The following THSD4 variants were observed in gnomAD, a reference collection of about 807,000 sequenced individuals.
The protein encoded by THSD4 is thrombospondin type 1 domain containing 4.
In THSD4, 69 loss-of-function variants were observed where a neutral mutation model predicts 119.0. The ratio of observed to expected loss-of-function variants is 0.58; its 90% CI spans 0.48 to 0.71. The LOEUF is 0.71. Ranked by LOEUF, THSD4 falls within the 30% of genes least tolerant of loss-of-function variation. The probability of loss-of-function intolerance (pLI) is 0.00; values close to 1 mark genes in which losing one functional copy is unlikely to be tolerated. For missense variants in THSD4, 1,393 were observed against 1,391.1 expected (o/e 1.00, Z -0.02); for synonymous variants, 524 against 540.4 (o/e 0.97, Z 0.42).
chr15:71,743,932 G>A (rs532268283), intron 11 of THSD4, among the ~76,000 whole-genome samples: 7 of 152,348 alleles, frequency 4.6e-5, no homozygotes, highest in South Asian at 4.1e-4. Flanking sequence ...TAGCAACAGA[G>A]ATAAGACAGA....
intron 7 of THSD4, among the ~76,000 whole-genome samples, chr15:71,555,367 G>A (rs1477504694): frequency 1.3e-5 from 2 of 152,180 alleles, no homozygotes; most frequent in Non-Finnish European, 2.9e-5. Context: ...AATGGTATCA[G>A]TGTATGCTAA....
chr15:71,285,894 A>AT lies in THSD4; in HGVS notation c.1015+29184dup, dbSNP rs1375454959. On this transcript the variant is annotated intron_variant, in intron 6 of 17. Coordinates refer to ENST00000261862, the MANE Select transcript of THSD4 (RefSeq NM_024817.3). ...AAAAAAAAAAAAAAAAATTCTAGTG[A>AT]TTTTTCTTTAAAAATGTGCGTAGTT... Among the ~76,000 whole-genome samples, 5 of 126,696 alleles carry AT rather than the reference A, an allele frequency of 3.9e-5. No individual in the cohort carries two copies. In the South Asian group the frequency reaches 8.2e-4, roughly 21 times the overall value. 83.1% of individuals were successfully genotyped at this position (126,696 alleles called of 152,430 possible).
At chr15:71,244,446 A>C (rs1231869784) in intron 5 of THSD4, among the ~76,000 whole-genome samples, 1 of 152,208 alleles carries the variant, frequency 6.6e-6, no homozygotes, top group Non-Finnish European at 1.5e-5. Flanking sequence ...CCTGCTATAG[A>C]GTCCATAGAA....
chr15:71,397,803 G>A (rs2046472390), intron 6 of THSD4, among the ~76,000 whole-genome samples: 2 of 152,208 alleles, frequency 1.3e-5, no homozygotes, highest in African/African-American at 4.8e-5. Context: ...TTTCTCATCT[G>A]TAAAATGGGA....
chr15:71,633,318 C>A (rs1032629924), intron 7 of THSD4, among the ~76,000 whole-genome samples: 1 of 139,938 alleles, frequency 7.1e-6, no homozygotes, highest in African/African-American at 2.6e-5. Context: ...CTCTGTTGCC[C>A]AGGCTGAAGT....
intron 6 of THSD4, among the ~76,000 whole-genome samples, chr15:71,407,693 T>C (rs904574464): frequency 6.6e-6 from 1 of 152,186 alleles, no homozygotes; most frequent in East Asian, 1.9e-4. Context: ...GGTTGTATTA[T>C]CTTTTAAATT....
intron 6 of THSD4, among the ~76,000 whole-genome samples, chr15:71,299,975 AAATATATATAT>A (rs1265846361): frequency 4.4e-5 from 1 of 22,962 alleles, no homozygotes; most frequent in Non-Finnish European, 1.2e-4. Context: ...AAAAAAAAAA[AAATATATATAT>A]ATATATATAT....
At chr15:71,199,460 GGTGTGTGTGTGTGGT>G (rs2043749372) in intron 3 of THSD4, among the ~76,000 whole-genome samples, 1 of 138,194 alleles carries the variant, frequency 7.2e-6, no homozygotes, top group Non-Finnish European at 1.6e-5. Context: ...TGTGGGGGGG[GGTGTGTGTGTGTGGT>G]GTGTGTGTGT....
At chr15:71,137,771 A>G (rs925822964) in intron 1 of THSD4, among the ~76,000 whole-genome samples, 1 of 152,236 alleles carries the variant, frequency 6.6e-6, no homozygotes, top group Non-Finnish European at 1.5e-5. Context: ...AAGTTGGTCC[A>G]AAAACATACT....
At chr15:71,740,324 A>G (rs2053210529) in intron 11 of THSD4, among the ~76,000 whole-genome samples, 1 of 152,234 alleles carries the variant, frequency 6.6e-6, no homozygotes, top group Admixed American at 6.5e-5. Context: ...CATAATTGAT[A>G]TAGGAACCCG....
chr15:71,308,874 C>A (rs2140346967), intron 6 of THSD4, among the ~76,000 whole-genome samples: 1 of 152,304 alleles, frequency 6.6e-6, no homozygotes, highest in South Asian at 2.1e-4. Context: ...ATGAGGGTTC[C>A]AAGTTTTCCA....
chr15:71,299,267 A>G (rs1435200670), intron 6 of THSD4, among the ~76,000 whole-genome samples: 1 of 152,224 alleles, frequency 6.6e-6, no homozygotes. Context: ...TCGATATTCA[A>G]CTATTTACAC....
chr15:71,724,067 TTAAAA>T lies in THSD4; in HGVS notation c.1358-4481_1358-4477del, dbSNP rs755830843. On this transcript the variant is annotated intron_variant, in intron 8 of 17. Transcript: ENST00000261862. ...AACAGGAGTAAAACCTTGTCTTTAT[TTAAAA>T]AAAAAAAAAAAAAAAAATGAATAGA... Among the ~76,000 whole-genome samples, 5 of 14,716 alleles carry T rather than the reference TTAAAA, an allele frequency of 3.4e-4. No homozygotes were observed. The South Asian group carries it at 0.033, about 98-fold the overall frequency. 9.7% of individuals were successfully genotyped at this position (14,716 alleles called of 152,430 possible).
At chr15:71,317,627 A>G (rs1186014265) in intron 6 of THSD4, among the ~76,000 whole-genome samples, 1 of 152,204 alleles carries the variant, frequency 6.6e-6, no homozygotes, top group African/African-American at 2.4e-5. Context: ...GTGGGGACAG[A>G]GAGCCAAACC....
At chr15:71,733,621 T>C (rs2141139702) in intron 10 of THSD4, 1 of 152,166 alleles carries the variant, frequency 6.6e-6, no homozygotes, top group South Asian at 2.1e-4. Flanking sequence ...AAGAAAGCCC[T>C]GGCAAAAAAG....
chr15:71,439,855 G>A (rs900699864), intron 7 of THSD4, among the ~76,000 whole-genome samples: 1 of 152,118 alleles, frequency 6.6e-6, no homozygotes, highest in Non-Finnish European at 1.5e-5. Flanking sequence ...ACATACTGGG[G>A]CCTGTTGGTG....
At chr15:71,608,073 A>G (rs998449451) in intron 7 of THSD4, among the ~76,000 whole-genome samples, 1 of 151,920 alleles carries the variant, frequency 6.6e-6, no homozygotes, top group Non-Finnish European at 1.5e-5. Context: ...AATACAAAAA[A>G]TTAGCGGGGC....
At chr15:71,405,225 T>A (rs2046589680) in intron 6 of THSD4, among the ~76,000 whole-genome samples, 1 of 152,210 alleles carries the variant, frequency 6.6e-6, no homozygotes, top group South Asian at 2.1e-4. Flanking sequence ...TCTAAGATGT[T>A]TTGTTATAGC....
chr15:71,598,793 T>C (rs185138262), intron 7 of THSD4, among the ~76,000 whole-genome samples: 113 of 152,204 alleles, frequency 7.4e-4, no homozygotes, highest in African/African-American at 2.6e-3. Context: ...AATTTTTGTA[T>C]TTTTTGTAGA....
Sources: gnomAD v4.1 joint callset for allele counts (sites outside exome capture counted in the v4.1 genomes callset) on GRCh38, gnomAD v4.1.1 for gene constraint, MANE v1.5 for transcripts, NCBI Gene and HGNC (gene_info 2026-07-23, HGNC 2026-07-21) for gene names.